NCAPG2: variants seen among roughly 807,000 people sequenced by gnomAD.
NCAPG2 encodes the protein non-SMC condensin II complex subunit G2.
Under a neutral mutation model 141.1 loss-of-function variants are expected in NCAPG2, and 53 were observed. The observed-to-expected ratio is 0.38, with a 90% confidence interval of 0.30 to 0.47. NCAPG2 has a LOEUF of 0.47. Ranked by LOEUF, NCAPG2 falls within the 20% of genes least tolerant of loss-of-function variation. The probability of loss-of-function intolerance (pLI) is 0.99; values close to 1 mark genes in which losing one functional copy is unlikely to be tolerated. For synonymous variants in NCAPG2, 499 were observed against 490.7 expected, an observed-to-expected ratio of 1.02 and a Z score of -0.22; for missense variants, 1,087 against 1,389.0, an observed-to-expected ratio of 0.78 and a Z score of 3.46.
chr7:158,703,870 G>A (rs191889574), intron 1 of NCAPG2, among the ~76,000 whole-genome samples: 226 of 152,356 alleles, frequency 1.5e-3, no homozygotes, highest in African/African-American at 5.3e-3. Flanking sequence ...CACGTCCACA[G>A]CTGGGGAGAT....
chr7:158,688,408 C>T (rs1470603410), intron 6 of NCAPG2, among the ~76,000 whole-genome samples: 1 of 152,192 alleles, frequency 6.6e-6, no homozygotes, highest in Admixed American at 6.5e-5. Flanking sequence ...TATAAGTTAA[C>T]AAGTACGATT....
chr7:158,680,187 A>G, intron 10 of NCAPG2, 102 bp from the exon 11 acceptor site: 1 of 1,287,226 alleles, frequency 7.8e-7, no homozygotes, highest in East Asian at 2.3e-5. Flanking sequence ...CTTGATACAG[A>G]TTTATTTTCA....
intron 13 of NCAPG2, chr7:158,668,430 T>C (rs1183633785): frequency 5.1e-6 from 5 of 984,450 alleles, no homozygotes; most frequent in Non-Finnish European, 6.0e-6. Flanking sequence ...TACTGAAGAG[T>C]TATTCTTTTT....
chr7:158,667,521 CTCCTTACCTACCCT>C lies in NCAPG2; in HGVS notation c.1480-2785_1480-2772del, dbSNP rs1563539553. Among the ~76,000 whole-genome samples, 261 of 75,188 alleles carry C rather than the reference CTCCTTACCTACCCT, an allele frequency of 3.5e-3. 16 individuals are homozygous for C. The highest frequency in any genetic ancestry group is 5.0e-3 in the East Asian group (10 of 2,020). The allele number at this position is 75,188 out of a possible 152,430, so 49.3% of individuals were successfully genotyped here. On this transcript the variant is annotated intron_variant, in intron 13 of 27. Transcript: ENST00000356309. ...TTACCCACTACTGGGTCCCTCCGCC[CTCCTTACCTACCCT>C]GTGGCCCTCCACCCGCTTACCCACT...
intron 9 of NCAPG2, among the ~76,000 whole-genome samples, chr7:158,682,256 A>G (rs1197574030): frequency 2.0e-5 from 3 of 152,106 alleles, no homozygotes; most frequent in Non-Finnish European, 4.4e-5. Context: ...ATGCAATTCT[A>G]CTAAATAAAA....
chr7:158,662,393 A>G, intron 15 of NCAPG2, 26 bp from the exon 16 acceptor site: 5 of 1,527,192 alleles, frequency 3.3e-6, no homozygotes, highest in Non-Finnish European at 4.4e-6. Context: ...TTTTATTGTG[A>G]AAGGATCTAA....
At chr7:158,654,747 A>AGGCCGGGCGCGGTGGCTCACGCCTGT in intron 21 of NCAPG2, 53 bp from the exon 22 acceptor site, 1 of 1,573,826 alleles carries the variant, frequency 6.4e-7, no homozygotes. Flanking sequence ...AAAAGGGAGT[A>AGGCCGGGCGCGGTGGCTCACGCCTGT]AATCCAGCCT....
At chr7:158,652,604 T>C (rs948720704) in intron 22 of NCAPG2, 124 bp from the exon 23 acceptor site, 1 of 822,894 alleles carries the variant, frequency 1.2e-6, no homozygotes, top group African/African-American at 1.7e-5. Flanking sequence ...CTTTGGTATT[T>C]GGTGAGCCAA....
intron 6 of NCAPG2, among the ~76,000 whole-genome samples, chr7:158,689,029 C>A (rs28657075): frequency 0.9 from 136,880 of 152,210 alleles, 61,615 homozygotes; most frequent in Admixed American, 0.94. Context: ...TCTAGTCTCC[C>A]CTGGCACTGC....
At chr7:158,674,597 C>T (rs998838546) in intron 12 of NCAPG2, among the ~76,000 whole-genome samples, 1 of 152,212 alleles carries the variant, frequency 6.6e-6, no homozygotes, top group African/African-American at 2.4e-5. Flanking sequence ...GCCCAGAAAA[C>T]TTTTCCAATA....
chr7:158,695,948 A>G (rs1159041689), intron 2 of NCAPG2, among the ~76,000 whole-genome samples: 2 of 152,228 alleles, frequency 1.3e-5, no homozygotes, highest in Non-Finnish European at 2.9e-5. Context: ...TCCCTGTGTG[A>G]GTGCCCTGGC....
chr7:158,637,731 T>C (rs1234467718), intron 27 of NCAPG2, among the ~76,000 whole-genome samples: 1 of 152,172 alleles, frequency 6.6e-6, no homozygotes, highest in African/African-American at 2.4e-5. Flanking sequence ...GGGGGCTCCT[T>C]CCTTGGCGGC....
intron 7 of NCAPG2, among the ~76,000 whole-genome samples, chr7:158,686,525 C>G (rs560471441): frequency 2.3e-4 from 35 of 152,270 alleles, no homozygotes; most frequent in African/African-American, 8.2e-4. Context: ...AAGTCCAGAA[C>G]AAAATTCTAA....
chr7:158,674,560 G>A (rs1833940145), intron 12 of NCAPG2, among the ~76,000 whole-genome samples: 1 of 152,220 alleles, frequency 6.6e-6, no homozygotes, highest in South Asian at 2.1e-4. Flanking sequence ...AAAGTGCTGG[G>A]ATTACAGGTG....
In NCAPG2 at chr7:158,664,730, C is replaced by T. The variant is rs1832788803; in HGVS notation, c.1500G>A (p.Met500Ile). The T allele has an allele frequency of 6.2e-7, 1 of 1,613,942 alleles. No individual in the cohort carries two copies. The highest frequency in any genetic ancestry group is 8.5e-7 in the Non-Finnish European group (1 of 1,179,976). The change falls in exon 14 of 28, where the codon ATG (methionine) becomes ATA (isoleucine). Residue 500 changes from methionine to isoleucine, a missense_variant. By Grantham distance (10) the Met-to-Ile change is conservative (BLOSUM62 1). Coordinates refer to ENST00000356309, the MANE Select transcript of NCAPG2 (RefSeq NM_017760.7). ...TTTCCAGACGAACCAGAATGTGCTC[C>T]ATGGGACATATTTTCCAAAACTGTG... ...RAAKFWKICP[M>I]EHILVRLETD...
chr7:158,658,546 G>A, intron 16 of NCAPG2, 138 bp from the exon 17 acceptor site: 1 of 716,392 alleles, frequency 1.4e-6, no homozygotes, highest in Non-Finnish European at 2.1e-6. Context: ...ACGTTCAAAA[G>A]GAAAACTTAA....
At chr7:158,646,941 A>C (rs1831064942) in intron 24 of NCAPG2, among the ~76,000 whole-genome samples, 1 of 151,866 alleles carries the variant, frequency 6.6e-6, no homozygotes, top group Non-Finnish European at 1.5e-5. Context: ...AGGCAGGAGG[A>C]TCACTTCAGC....
At chr7:158,675,268 C>A (rs1043704936) in intron 12 of NCAPG2, among the ~76,000 whole-genome samples, 1 of 152,170 alleles carries the variant, frequency 6.6e-6, no homozygotes, top group Non-Finnish European at 1.5e-5. Context: ...CCCCCTTACA[C>A]TAAAAACTAC....
chr7:158,664,115 TAACATA>T (rs1301803572), intron 15 of NCAPG2, 63 bp downstream of exon 15: 1 of 1,190,874 alleles, frequency 8.4e-7, no homozygotes, highest in Non-Finnish European at 1.2e-6. Context: ...GGAATATTCC[TAACATA>T]ATGGCCCATG....
Sources: gnomAD v4.1 joint callset for allele counts (sites outside exome capture counted in the v4.1 genomes callset) on GRCh38, gnomAD v4.1.1 for gene constraint, MANE v1.5 for transcripts, NCBI Gene and HGNC (gene_info 2026-07-23, HGNC 2026-07-21) for gene names.